Variants in LEPR observed in about 807,000 individuals in gnomAD.
LEPR encodes the protein leptin receptor, also known as OB receptor.
A neutral mutation model predicts 114.7 loss-of-function variants in LEPR; 56 were observed. The ratio of observed to expected loss-of-function variants is 0.49; its 90% confidence interval spans 0.39 to 0.61. The LOEUF (loss-of-function observed/expected upper bound fraction) is 0.61, where lower values mean the gene tolerates loss of function less well. Ranked by LOEUF, LEPR falls within the 20% of genes least tolerant of loss-of-function variation. The pLI is 0.00. For synonymous variants in LEPR, 443 were observed against 461.4 expected (o/e 0.96, Z 0.51); for missense variants, 1,202 against 1,352.9 (o/e 0.89, Z 1.75).
Position 65,640,640 on chromosome 1 carries a change from G to A in LEPR, c.*3625G>A, listed in dbSNP as rs531986339. ...CCTGCATCTAATCACAATGTTAGGC[G>A]AACAACTTAAAACATGATCAGCCTG... On this transcript the variant is annotated 3_prime_UTR_variant, in exon 20 of 20. Transcript: ENST00000349533. The A allele has an allele frequency of 6.6e-6, 1 of 152,174 alleles. No individual in the cohort carries two copies. The highest frequency in any genetic ancestry group is 2.4e-5 in the African/African-American group (1 of 41,530). 9.4% of individuals were successfully genotyped at this position (152,174 alleles called of 1,614,324 possible).
At chr1:65,518,923 T>TTCTTTC (rs1649465393) in intron 2 of LEPR, among the ~76,000 whole-genome samples, 2 of 118,730 alleles carry the variant, frequency 1.7e-5, no homozygotes, top group African/African-American at 7.2e-5. Context: ...CTTTCTCTCT[T>TTCTTTC]TCTCTGTTTC....
chr1:65,435,905 TC>T, intron 2 of LEPR: 1 of 985,020 alleles, frequency 1.0e-6, no homozygotes, highest in Non-Finnish European at 1.2e-6. Flanking sequence ...TTATAATCTT[TC>T]AAATAGCCAT....
intron 2 of LEPR, among the ~76,000 whole-genome samples, chr1:65,484,383 T>A (rs769412712): frequency 6.6e-6 from 1 of 152,154 alleles, no homozygotes; most frequent in Non-Finnish European, 1.5e-5. Context: ...TATACATGCC[T>A]CCCACACTTT....
intron 2 of LEPR, among the ~76,000 whole-genome samples, chr1:65,498,451 A>C (rs1479958773): frequency 6.6e-6 from 1 of 152,116 alleles, no homozygotes; most frequent in Non-Finnish European, 1.5e-5. Context: ...TACAAAAAAA[A>C]CTGTAAAAGA....
intron 1 of LEPR, among the ~76,000 whole-genome samples, chr1:65,424,544 T>G (rs937796604): frequency 8.6e-6 from 1 of 116,358 alleles, no homozygotes; most frequent in Non-Finnish European, 1.9e-5. Context: ...TTTGTATACT[T>G]TATGATTTCA....
intron 2 of LEPR, among the ~76,000 whole-genome samples, chr1:65,449,131 C>T (rs1205563129): frequency 3.3e-5 from 5 of 152,198 alleles, no homozygotes; most frequent in Non-Finnish European, 5.9e-5. Context: ...TAACCTCTAG[C>T]GATCCACCTG....
chr1:65,606,751 A>G (rs1391393440), intron 11 of LEPR, among the ~76,000 whole-genome samples: 1 of 152,148 alleles, frequency 6.6e-6, no homozygotes, highest in African/African-American at 2.4e-5. Context: ...TCCTTTCCTG[A>G]CAAGAAATTA....
intron 19 of LEPR, among the ~76,000 whole-genome samples, chr1:65,628,723 T>G (rs1167745339): frequency 2.6e-5 from 4 of 152,184 alleles, no homozygotes; most frequent in Non-Finnish European, 5.9e-5. Flanking sequence ...TTGAACACTT[T>G]TTTATATTTA....
intron 2 of LEPR, among the ~76,000 whole-genome samples, chr1:65,492,272 T>C (rs1647913312): frequency 6.6e-6 from 1 of 152,162 alleles, no homozygotes; most frequent in Non-Finnish European, 1.5e-5. Flanking sequence ...TTAAATCATG[T>C]TGATTTTTGT....
chr1:65,614,058 C>G (rs767330637), intron 14 of LEPR, among the ~76,000 whole-genome samples: 1 of 152,132 alleles, frequency 6.6e-6, no homozygotes, highest in Admixed American at 6.6e-5. Context: ...CAAATTTAAA[C>G]ATAGCCTTAC....
At chr1:65,464,940 A>G (rs545780173) in intron 2 of LEPR, among the ~76,000 whole-genome samples, 1 of 152,040 alleles carries the variant, frequency 6.6e-6, no homozygotes. Context: ...TAGTCTTGCT[A>G]GCGGTCTATT....
rs926586992 is a variant in LEPR at position 65,570,498 on chromosome 1, T to C, written c.66T>C (p.Phe22=). ...HWEFIYVITA[F]NLSYPITPWR... ...AATTTATTTATGTGATAACTGCGTT[T>C]AACTTGTCATATCCAATTACTCCTT... Residue 22 remains phenylalanine (F), a synonymous_variant, in exon 4 of 20, where the codon TTT becomes TTC. Transcript: ENST00000349533. 13 of 1,613,710 alleles carry C rather than the reference T, an allele frequency of 8.1e-6. No individual in the cohort carries two copies. The highest frequency in any genetic ancestry group is 4.4e-5 in the South Asian group (4 of 91,030).
intron 2 of LEPR, chr1:65,526,277 C>G: frequency 1.0e-6 from 1 of 985,386 alleles, no homozygotes; most frequent in Non-Finnish European, 1.2e-6. Context: ...TAGACCTCAG[C>G]TTTTGTTTCC....
Position 65,580,401 on chromosome 1 carries a change from C to T in LEPR, c.494+7952C>T, listed in dbSNP as rs1654899927. Reference sequence around the variant, plus strand: ...TCACAAGAGAAATTTTCAAATGCTTCCATGTGTAAAAAAGTATATTTTAAA... The same window carrying T: ...TCACAAGAGAAATTTTCAAATGCTTTCATGTGTAAAAAAGTATATTTTAAA... On this transcript the variant is annotated intron_variant, in intron 5 of 19. Transcript: ENST00000349533. 2.6e-5 allele frequency among the ~76,000 whole-genome samples: 4 copies of T among 152,140 alleles called. No individual in the cohort carries two copies. In the South Asian group the frequency reaches 8.3e-4, roughly 32 times the overall value.
chr1:65,516,918 G>A (rs190605478), intron 2 of LEPR, among the ~76,000 whole-genome samples: 1 of 152,194 alleles, frequency 6.6e-6, no homozygotes. Flanking sequence ...CCCTTCCAAA[G>A]GCAAGGACAA....
intron 2 of LEPR, among the ~76,000 whole-genome samples, chr1:65,496,740 T>G (rs561558232): frequency 5.1e-4 from 78 of 152,254 alleles, no homozygotes; most frequent in Non-Finnish European, 8.5e-4. Context: ...AACATCTGCT[T>G]AAATACTTCC....
At chr1:65,517,371 C>T (rs945032181) in intron 2 of LEPR, among the ~76,000 whole-genome samples, 1 of 152,212 alleles carries the variant, frequency 6.6e-6, no homozygotes, top group Non-Finnish European at 1.5e-5. Flanking sequence ...TGATAATCTG[C>T]ATCAGTTAAT....
intron 7 of LEPR, among the ~76,000 whole-genome samples, chr1:65,597,893 T>G (rs953325014): frequency 6.6e-6 from 1 of 151,548 alleles, no homozygotes; most frequent in Admixed American, 6.6e-5. Context: ...TGGAGATAAT[T>G]TGTGAACTTG....
rs1160178054 is a variant in LEPR, at chr1:65,636,185, T to C, written c.2674-6T>C. ...ATTGAGCCTTAAAATGTGTCTTTTC[T>C]TTTAGCCAGAAACGTTTGAGCATCT... On this transcript the variant is annotated splice_polypyrimidine_tract_variant and splice_region_variant and intron_variant, in intron 19 of 19. Coordinates refer to ENST00000349533, the MANE Select transcript of LEPR (RefSeq NM_002303.6). The C allele has an allele frequency of 6.2e-7, 1 of 1,613,742 alleles. No individual in the cohort carries two copies.
Sources: allele counts gnomAD v4.1 joint callset (sites outside exome capture counted in the v4.1 genomes callset), GRCh38; gene constraint gnomAD v4.1.1; transcripts MANE v1.5; gene names NCBI Gene and HGNC (gene_info 2026-07-23, HGNC 2026-07-21).